CTCF: variants seen among roughly 807,000 people sequenced by gnomAD.
The protein encoded by CTCF is CCCTC-binding factor.
A neutral mutation model predicts 72.3 loss-of-function variants in CTCF; 7 were observed. That is an observed-to-expected ratio of 0.10 (90% CI 0.06 to 0.18). The LOEUF is 0.18. CTCF is among the 10% of genes least tolerant of loss of function. The pLI is 1.00. For synonymous variants in CTCF, 374 were observed against 315.8 expected, an observed-to-expected ratio of 1.18 and a Z score of -1.95; for missense variants, 516 against 949.1, an observed-to-expected ratio of 0.54 and a Z score of 6.00.
At chr16:67,613,211 A>C (rs1331963071) in intron 4 of CTCF, among the ~76,000 whole-genome samples, 4 of 152,198 alleles carry the variant, frequency 2.6e-5, no homozygotes, top group African/African-American at 9.7e-5. Context: ...GTTGGTTGCA[A>C]GTCTTCTCAC....
rs1318657076 is a variant in CTCF at position 67,611,572 on chromosome 16, G to T, written c.740G>T (p.Gly247Val). ...LSEVNAEKVV[G>V]NMKPPKPTKI... ...GAGGTTAATGCAGAGAAAGTGGTTG[G>T]TAATATGAAGCCTCCAAAGCCAACA... The change falls in exon 3 of 12, where the codon GGT becomes GTT. Residue 247 changes from glycine (G) to valine (V), a missense_variant. Physicochemically the swap from Gly to Val is moderately radical, Grantham distance 109. Around this residue, in one of 7 missense-constraint regions of CTCF, gnomAD observed 70 missense variants for 290.1 expected, o/e 0.24. Coordinates refer to ENST00000264010, the MANE Select transcript of CTCF (RefSeq NM_006565.4). The T allele has an allele frequency of 6.2e-7, 1 of 1,614,056 alleles. No individual in the cohort carries two copies. Among genetic ancestry groups the T allele is most frequent in the Non-Finnish European group, 8.5e-7 (1 of 1,180,014 alleles).
intron 2 of CTCF, among the ~76,000 whole-genome samples, chr16:67,575,988 G>T (rs2051490882): frequency 7.5e-6 from 1 of 133,288 alleles, no homozygotes; most frequent in Non-Finnish European, 1.6e-5. Context: ...GACCTTGTCT[G>T]TAAAAAAAAA....
chr16:67,620,661 A>C, intron 5 of CTCF, 36 bp from the exon 6 acceptor site: 2 of 1,517,856 alleles, frequency 1.3e-6, no homozygotes, highest in Non-Finnish European at 1.8e-6. Context: ...AGTCTGTGTT[A>C]ACAGAAGTTA....
chr16:67,608,291 C>A (rs2052004871), intron 2 of CTCF, among the ~76,000 whole-genome samples: 1 of 150,944 alleles, frequency 6.6e-6, no homozygotes, highest in East Asian at 2.0e-4. Context: ...GCCACTGCAC[C>A]CTAGCCTGGG....
chr16:67,624,229 T>C (rs1340399518), intron 7 of CTCF, among the ~76,000 whole-genome samples: 1 of 151,712 alleles, frequency 6.6e-6, no homozygotes, highest in Admixed American at 6.6e-5. Flanking sequence ...GGTTTAACTC[T>C]TCTCTCCTTC....
At chr16:67,616,643 G>A in intron 4 of CTCF, 102 bp from the exon 5 acceptor site, 1 of 1,347,030 alleles carries the variant, frequency 7.4e-7, no homozygotes, top group Non-Finnish European at 1.0e-6. Context: ...TTGATGGGAT[G>A]AATAGGGTTC....
intron 2 of CTCF, among the ~76,000 whole-genome samples, chr16:67,607,786 G>A (rs1024285286): frequency 5.9e-5 from 9 of 151,726 alleles, no homozygotes; most frequent in Non-Finnish European, 1.2e-4. Flanking sequence ...TTGGGAGGCC[G>A]AGGCGGACAG....
intron 10 of CTCF, among the ~76,000 whole-genome samples, chr16:67,631,211 G>A (rs2052361080): frequency 1.4e-5 from 2 of 146,338 alleles, no homozygotes; most frequent in Non-Finnish European, 3.0e-5. Flanking sequence ...TGTTGCCCAG[G>A]CTGGAGTGCA....
chr16:67,615,683 A>G (rs1341079303), intron 4 of CTCF: 3 of 152,190 alleles, frequency 2.0e-5, no homozygotes, highest in African/African-American at 4.8e-5. Flanking sequence ...CTTCTTATCC[A>G]TACCACCAGA....
intron 2 of CTCF, among the ~76,000 whole-genome samples, chr16:67,583,279 G>A (rs1351658607): frequency 1.3e-5 from 2 of 151,950 alleles, no homozygotes; most frequent in African/African-American, 4.8e-5. Context: ...GAGCCATGGC[G>A]CCCAGCCTAC....
chr16:67,623,147 G>A (rs867503986), intron 7 of CTCF, among the ~76,000 whole-genome samples: 4 of 151,090 alleles, frequency 2.6e-5, no homozygotes, highest in Non-Finnish European at 5.9e-5. Flanking sequence ...GTAGAGACAG[G>A]GTTTCACCAT....
At chr16:67,565,673 CAAAAAA>C (rs201956341) in intron 1 of CTCF, among the ~76,000 whole-genome samples, 6 of 62,132 alleles carry the variant, frequency 9.7e-5, no homozygotes, top group Middle Eastern at 9.1e-3. Context: ...ACTCTTATCT[CAAAAAA>C]AAAAAAAAAA....
rs1001422682 is a variant in CTCF, at chr16:67,638,153, G to A, written c.*281G>A. On this transcript the variant is annotated 3_prime_UTR_variant, in exon 12 of 12. Coordinates refer to ENST00000264010, the MANE Select transcript of CTCF (RefSeq NM_006565.4). The stretch of plus-strand genomic sequence containing the variant: ...CTAACTCGTTTTCCTAGATGGAAAC[G>A]GAGACATTGACCCCTCCCTCCATGT... The A allele has an allele frequency of 3.8e-4, 136 of 357,208 alleles. No homozygotes were observed. Among genetic ancestry groups the A allele is most frequent in the Non-Finnish European group, 1.5e-4 (29 of 197,148 alleles). The allele number at this position is 357,208 out of a possible 1,614,324, so 22.1% of individuals were successfully genotyped here.
intron 2 of CTCF, among the ~76,000 whole-genome samples, chr16:67,585,029 T>G (rs566149647): frequency 2.2e-4 from 33 of 152,312 alleles, no homozygotes; most frequent in African/African-American, 7.9e-4. Context: ...GGGTGTAGTA[T>G]GCATGTCTTT....
intron 2 of CTCF, among the ~76,000 whole-genome samples, chr16:67,579,174 G>C (rs1193382923): frequency 1.3e-5 from 2 of 148,170 alleles, no homozygotes. Flanking sequence ...AGAATCGCTT[G>C]AACCTGGGAG....
At chr16:67,572,476 C>CTAT (rs1243009582) in intron 2 of CTCF, 1 of 152,130 alleles carries the variant, frequency 6.6e-6, no homozygotes, top group Non-Finnish European at 1.5e-5. Context: ...GATATGAATA[C>CTAT]CCTTAGGGAA....
intron 2 of CTCF, among the ~76,000 whole-genome samples, chr16:67,597,647 T>A (rs1425247146): frequency 6.6e-6 from 1 of 152,194 alleles, no homozygotes; most frequent in Non-Finnish European, 1.5e-5. Context: ...CTGCCAATGC[T>A]TCTTTGTTTC....
At position 67,607,401 on chromosome 16, in the gene CTCF, G is replaced by A. The variant is rs920276099; in HGVS notation, c.-9-3423G>A. Among the ~76,000 whole-genome samples the A allele has an allele frequency of 6.6e-5, 10 of 151,996 alleles. No individual in the cohort carries two copies. The South Asian group carries it at 8.3e-4, about 13-fold the overall frequency. ...GCTCGCTGCAACCTCCACCTCCAGG[G>A]TTCAAGTTCTTTTCGTGCCTCAGCC... On this transcript the variant is annotated intron_variant, in intron 2 of 11. Coordinates refer to ENST00000264010, the MANE Select transcript of CTCF (RefSeq NM_006565.4).
intron 4 of CTCF, chr16:67,612,593 A>AG (rs1555534290): frequency 6.6e-6 from 1 of 152,056 alleles, no homozygotes; most frequent in Non-Finnish European, 1.5e-5. Context: ...CCGTCTAAAA[A>AG]AAAAGAAAAG....
Sources: allele counts gnomAD v4.1 joint callset (sites outside exome capture counted in the v4.1 genomes callset), GRCh38; gene constraint gnomAD v4.1.1; regional missense constraint gnomAD v4.1.1; transcripts MANE v1.5; gene names NCBI Gene and HGNC (gene_info 2026-07-23, HGNC 2026-07-21).